The following COL24A1 variants were observed in gnomAD, a reference collection of about 807,000 sequenced individuals.
COL24A1 encodes collagen type XXIV alpha 1 chain, also known as collagen alpha-1(XXIV) chain.
Under a neutral mutation model 253.9 loss-of-function variants are expected in COL24A1, and 224 were observed. The observed-to-expected ratio is 0.88, with a 90% CI of 0.79 to 0.99. The LOEUF (loss-of-function observed/expected upper bound fraction) is 0.99. COL24A1 is among the 50% of genes least tolerant of loss of function. COL24A1 has a pLI of 0.00. For synonymous variants in COL24A1, 685 were observed against 673.7 expected, an observed-to-expected ratio of 1.02 and a Z score of -0.26; for missense variants, 2,131 against 2,068.5, an observed-to-expected ratio of 1.03 and a Z score of -0.59.
intron 5 of COL24A1, among the ~76,000 whole-genome samples, chr1:86,097,676 C>A (rs1052948918): frequency 1.3e-5 from 2 of 149,000 alleles, no homozygotes; most frequent in African/African-American, 5.0e-5. Context: ...TCCTCCTCCT[C>A]CTCCTTCTTC....
At chr1:85,740,926 G>A (rs1206226995) in intron 57 of COL24A1, among the ~76,000 whole-genome samples, 9 of 130,272 alleles carry the variant, frequency 6.9e-5, no homozygotes, top group South Asian at 2.5e-4. Flanking sequence ...TGGCCAAGAC[G>A]GTGAAACCCT....
intron 43 of COL24A1, among the ~76,000 whole-genome samples, chr1:85,831,953 T>G (rs547816475): frequency 0.012 from 1,852 of 152,208 alleles, 34 homozygotes; most frequent in Non-Finnish European, 0.016. Context: ...TGTCAATTTT[T>G]GCTTTTGTTG....
chr1:85,876,057 T>C (rs775149716), intron 33 of COL24A1, among the ~76,000 whole-genome samples: 2 of 152,008 alleles, frequency 1.3e-5, no homozygotes, highest in African/African-American at 4.8e-5. Flanking sequence ...ACTTATCATG[T>C]TAAGAAATTG....
intron 12 of COL24A1, among the ~76,000 whole-genome samples, chr1:86,037,241 C>G (rs1045344962): frequency 6.6e-6 from 1 of 152,128 alleles, no homozygotes; most frequent in Admixed American, 6.6e-5. Flanking sequence ...TCCCAGTGTT[C>G]ACACTTTTCT....
At chr1:86,081,013 A>C (rs1702594877) in intron 7 of COL24A1, among the ~76,000 whole-genome samples, 1 of 152,080 alleles carries the variant, frequency 6.6e-6, no homozygotes. Flanking sequence ...AGTGTTAAAA[A>C]CTCTCTTACT....
At chr1:86,117,112 G>C (rs934541706) in intron 3 of COL24A1, among the ~76,000 whole-genome samples, 2 of 152,192 alleles carry the variant, frequency 1.3e-5, no homozygotes, top group Middle Eastern at 3.2e-3. Flanking sequence ...AAAATGTCTA[G>C]TTTGGTTTAG....
intron 28 of COL24A1, among the ~76,000 whole-genome samples, 172 bp from the exon 29 acceptor site, chr1:85,896,581 G>C (rs928909955): frequency 2.0e-5 from 3 of 151,416 alleles, no homozygotes; most frequent in Admixed American, 2.0e-4. Context: ...TGCAAGCTCC[G>C]CCTCCCAGGT....
chr1:85,879,270 T>C (rs953142583), intron 32 of COL24A1, among the ~76,000 whole-genome samples: 2 of 143,312 alleles, frequency 1.4e-5, no homozygotes, highest in Non-Finnish European at 3.1e-5. Context: ...TGTGTGTGTG[T>C]GTGTGTGTAA....
intron 5 of COL24A1, among the ~76,000 whole-genome samples, chr1:86,109,885 T>C (rs1557660783): frequency 6.6e-6 from 1 of 152,222 alleles, no homozygotes; most frequent in East Asian, 1.9e-4. Context: ...AGTGCCCTTA[T>C]AAAAGAGACC....
intron 39 of COL24A1, among the ~76,000 whole-genome samples, chr1:85,844,590 C>T (rs1015043676): frequency 1.3e-5 from 2 of 151,652 alleles, no homozygotes; most frequent in Admixed American, 6.6e-5. Flanking sequence ...AATAAAAGAG[C>T]AAAATATTTG....
chr1:86,078,861 T>C (rs1456061467), intron 7 of COL24A1, among the ~76,000 whole-genome samples: 1 of 152,148 alleles, frequency 6.6e-6, no homozygotes, highest in Non-Finnish European at 1.5e-5. Flanking sequence ...ATCAATATTT[T>C]TAAGATGTCC....
chr1:85,796,522 C>T (rs1380879848), intron 47 of COL24A1, among the ~76,000 whole-genome samples: 1 of 152,110 alleles, frequency 6.6e-6, no homozygotes, highest in Non-Finnish European at 1.5e-5. Context: ...CAAAAAATTA[C>T]AAATAATCTA....
chr1:85,770,854 T>G (rs1460126812), intron 53 of COL24A1, among the ~76,000 whole-genome samples: 1 of 152,222 alleles, frequency 6.6e-6, no homozygotes, highest in African/African-American at 2.4e-5. Context: ...AACTGGCTGA[T>G]ATGCAACTAA....
At chr1:85,922,087 A>C (rs919625320) in intron 24 of COL24A1, among the ~76,000 whole-genome samples, 4 of 152,210 alleles carry the variant, frequency 2.6e-5, no homozygotes, top group African/African-American at 9.7e-5. Flanking sequence ...GATCAAATTA[A>C]TGAAATAAAG....
At chr1:85,791,513 A>G (rs945972461) in intron 47 of COL24A1, among the ~76,000 whole-genome samples, 1 of 152,288 alleles carries the variant, frequency 6.6e-6, no homozygotes, top group Middle Eastern at 3.4e-3. Context: ...ACCTAGATGC[A>G]ATAAATTTCC....
At chr1:85,780,883 T>C (rs995532228) in intron 52 of COL24A1, among the ~76,000 whole-genome samples, 2 of 152,286 alleles carry the variant, frequency 1.3e-5, no homozygotes, top group East Asian at 3.9e-4. Context: ...AAATGTTGGA[T>C]GTCTGCACAT....
At chr1:85,857,458 C>CAAAAAAAAAAA (rs57368737) in intron 37 of COL24A1, among the ~76,000 whole-genome samples, 5 of 94,480 alleles carry the variant, frequency 5.3e-5, no homozygotes, top group African/African-American at 8.4e-5. Context: ...CCCTCTTCTC[C>CAAAAAAAAAAA]AAAAAAAAAA....
intron 47 of COL24A1, among the ~76,000 whole-genome samples, chr1:85,793,670 C>A (rs878958676): frequency 6.6e-6 from 1 of 151,952 alleles, no homozygotes; most frequent in Non-Finnish European, 1.5e-5. Context: ...TGTTCCATAC[C>A]TATGGGATAC....
At chr1:85,915,475 C>A (rs1685806559) in intron 24 of COL24A1, among the ~76,000 whole-genome samples, 3 of 152,048 alleles carry the variant, frequency 2.0e-5, no homozygotes, top group Non-Finnish European at 2.9e-5. Context: ...TGAGCCAATT[C>A]TTTATAATAA....
Sources: gnomAD v4.1 joint callset for allele counts (sites outside exome capture counted in the v4.1 genomes callset) on GRCh38, gnomAD v4.1.1 for gene constraint, MANE v1.5 for transcripts, NCBI Gene and HGNC (gene_info 2026-07-23, HGNC 2026-07-21) for gene names.